Variants in ADAMTS6 observed in about 807,000 individuals in gnomAD.
ADAMTS6 encodes ADAM metallopeptidase with thrombospondin type 1 motif 6, also known as A disintegrin and metalloproteinase with thrombospondin motifs 6.
Under a neutral mutation model 144.3 loss-of-function variants are expected in ADAMTS6, and 23 were observed. The ratio of observed to expected loss-of-function variants is 0.16; its 90% CI spans 0.11 to 0.23. The LOEUF (loss-of-function observed/expected upper bound fraction) is 0.23, where lower values mean the gene tolerates loss of function less well. Ranked by LOEUF, ADAMTS6 falls within the 10% of genes least tolerant of loss-of-function variation. The pLI is 1.00. For synonymous variants in ADAMTS6, 444 were observed against 457.5 expected (o/e 0.97, Z 0.38); for missense variants, 999 against 1,379.6 (o/e 0.72, Z 4.37).
At chr5:65,399,051 G>C (rs1389247766) in intron 7 of ADAMTS6, among the ~76,000 whole-genome samples, 1 of 152,116 alleles carries the variant, frequency 6.6e-6, no homozygotes, top group African/African-American at 2.4e-5. Flanking sequence ...GAGGTCAGGA[G>C]TTCGAGATCA....
intron 7 of ADAMTS6, among the ~76,000 whole-genome samples, chr5:65,439,668 A>G (rs547951280): frequency 6.6e-6 from 1 of 152,288 alleles, no homozygotes; most frequent in African/African-American, 2.4e-5. Flanking sequence ...CCTGAGGGGG[A>G]AAATAGCTAT....
Position 65,470,816 on chromosome 5 carries a change from T to C in ADAMTS6, c.424A>G (p.Ser142Gly). 1 of 1,606,804 alleles carries C rather than the reference T, an allele frequency of 6.2e-7. No homozygotes were observed. Among genetic ancestry groups the C allele is most frequent in the East Asian group, 2.2e-5 (1 of 44,668 alleles). ...TTGCTTAAAGCCACTTTAGTTGTAC[T>C]ACGTTGATCTTGCAAATATCCTGTG... ...HYTGYLQDQRSTTKVALSNCV... is the reference protein window; with the variant it reads ...HYTGYLQDQRGTTKVALSNCV... The change falls in exon 3 of 25, where the codon AGT becomes GGT. Residue 142 changes from serine to glycine, a missense_variant. Transcript: ENST00000381055.
chr5:65,156,141 A>G (rs1383170692), intron 24 of ADAMTS6, among the ~76,000 whole-genome samples: 2 of 152,158 alleles, frequency 1.3e-5, no homozygotes, highest in Admixed American at 1.3e-4. Flanking sequence ...GCTTAGCTAG[A>G]GAGGACTGAT....
intron 15 of ADAMTS6, among the ~76,000 whole-genome samples, chr5:65,240,854 T>A (rs1416810024): frequency 1.3e-5 from 2 of 152,172 alleles, no homozygotes; most frequent in African/African-American, 2.4e-5. Flanking sequence ...ATGTTCTGTA[T>A]CTCAATAGGA....
chr5:65,431,084 G>A (rs578194445), intron 7 of ADAMTS6, among the ~76,000 whole-genome samples: 121 of 152,226 alleles, frequency 7.9e-4, no homozygotes, highest in African/African-American at 2.5e-3. Flanking sequence ...GTGTCTCAAT[G>A]AATGAATAAA....
At chr5:65,240,962 A>T (rs1410252173) in intron 15 of ADAMTS6, among the ~76,000 whole-genome samples, 1 of 152,204 alleles carries the variant, frequency 6.6e-6, no homozygotes, top group Non-Finnish European at 1.5e-5. Context: ...AAAAGTAAAC[A>T]AATAATTGAA....
At chr5:65,478,948 C>T (rs1331861891) in intron 1 of ADAMTS6, among the ~76,000 whole-genome samples, 3 of 152,216 alleles carry the variant, frequency 2.0e-5, no homozygotes, top group African/African-American at 7.2e-5. Flanking sequence ...CAGTAGTCTG[C>T]CCTGATTGGA....
chr5:65,362,050 T>A (rs1218438787), intron 7 of ADAMTS6, among the ~76,000 whole-genome samples: 1 of 152,228 alleles, frequency 6.6e-6, no homozygotes, highest in Non-Finnish European at 1.5e-5. Context: ...TGGTAATTTT[T>A]AATTTATCAC....
chr5:65,200,577 G>A (rs1325185279), intron 20 of ADAMTS6, among the ~76,000 whole-genome samples: 2 of 152,102 alleles, frequency 1.3e-5, no homozygotes, highest in Non-Finnish European at 2.9e-5. Context: ...CAGTCAGTGT[G>A]TACCTAATCA....
chr5:65,457,382 T>C (rs868066487), intron 4 of ADAMTS6, among the ~76,000 whole-genome samples: 1 of 152,186 alleles, frequency 6.6e-6, no homozygotes, highest in Non-Finnish European at 1.5e-5. Flanking sequence ...TGGAACACTT[T>C]AGGAAATTCT....
chr5:65,196,217 A>G (rs935774956), intron 21 of ADAMTS6, among the ~76,000 whole-genome samples: 1 of 152,186 alleles, frequency 6.6e-6, no homozygotes, highest in Admixed American at 6.5e-5. Flanking sequence ...ATTCTATTCC[A>G]GAGTATTTCT....
chr5:65,355,850 G>C (rs1487988257), intron 7 of ADAMTS6, among the ~76,000 whole-genome samples: 1 of 151,676 alleles, frequency 6.6e-6, no homozygotes, highest in Non-Finnish European at 1.5e-5. Context: ...CACTCTTCAG[G>C]CATAAGATTA....
At chr5:65,419,167 T>C (rs886781401) in intron 7 of ADAMTS6, among the ~76,000 whole-genome samples, 2 of 152,152 alleles carry the variant, frequency 1.3e-5, no homozygotes, top group Admixed American at 6.5e-5. Flanking sequence ...CAATGGGGAC[T>C]GGATAAAGAA....
At chr5:65,340,692 G>C (rs965149070) in intron 7 of ADAMTS6, among the ~76,000 whole-genome samples, 2 of 150,922 alleles carry the variant, frequency 1.3e-5, no homozygotes, top group African/African-American at 4.9e-5. Context: ...AAAAAAAAAG[G>C]ACCCAATATA....
chr5:65,460,209 G>T lies in ADAMTS6; in HGVS notation c.592C>A (p.Gln198Lys). 6.2e-7 allele frequency: 1 copy of T among 1,614,090 alleles called. No homozygotes were observed. Among genetic ancestry groups the T allele is most frequent in the Non-Finnish European group, 8.5e-7 (1 of 1,179,968 alleles). ...HVIYKKSALQQRHLYDHSHCG... is the reference protein window; with the variant it reads ...HVIYKKSALQKRHLYDHSHCG... ...TGAGAGTGATCATACAGATGTCGTTGTTGAAGGGCAGACTTTTTGTAAATA... is the reference window on the plus strand; with the variant it reads ...TGAGAGTGATCATACAGATGTCGTTTTTGAAGGGCAGACTTTTTGTAAATA... Residue 198 changes from glutamine (Q) to lysine (K), a missense_variant, in exon 4 of 25, where the codon CAA (glutamine) becomes AAA (lysine). Around this residue, in one of 3 missense-constraint regions of ADAMTS6, gnomAD observed 252 missense variants for 293.7 expected, o/e 0.86. Coordinates refer to ENST00000381055, the MANE Select transcript of ADAMTS6 (RefSeq NM_197941.4).
chr5:65,161,464 G>T (rs1304449352), intron 24 of ADAMTS6, among the ~76,000 whole-genome samples: 1 of 152,170 alleles, frequency 6.6e-6, no homozygotes, highest in Non-Finnish European at 1.5e-5. Context: ...CCAACTATGT[G>T]TTATATAGAT....
At chr5:65,163,859 C>T (rs565323457) in intron 24 of ADAMTS6, among the ~76,000 whole-genome samples, 5 of 152,176 alleles carry the variant, frequency 3.3e-5, no homozygotes, top group East Asian at 3.9e-4. Context: ...CATAGTGACT[C>T]GCACGTAGTA....
chr5:65,251,673 A>G (rs1760175226), intron 14 of ADAMTS6: 1 of 152,200 alleles, frequency 6.6e-6, no homozygotes, highest in African/African-American at 2.4e-5. Flanking sequence ...TGCCCATCCA[A>G]CACATCCTGA....
chr5:65,212,420 TC>T (rs1756598698), intron 20 of ADAMTS6, among the ~76,000 whole-genome samples: 3 of 120,056 alleles, frequency 2.5e-5, no homozygotes, highest in Non-Finnish European at 5.3e-5. Flanking sequence ...GGCTTTTCTC[TC>T]TCTTTTTTTT....
Sources: gnomAD v4.1 joint callset for allele counts (sites outside exome capture counted in the v4.1 genomes callset) on GRCh38, gnomAD v4.1.1 for gene constraint, gnomAD v4.1.1 regional missense constraint, MANE v1.5 for transcripts, NCBI Gene and HGNC (gene_info 2026-07-23, HGNC 2026-07-21) for gene names.